STK32C: variants seen among roughly 807,000 people sequenced by gnomAD.
STK32C encodes serine/threonine-protein kinase 32C.
In STK32C, 31 loss-of-function variants were observed where a neutral mutation model predicts 56.5. The ratio of observed to expected loss-of-function variants is 0.55; its 90% CI spans 0.41 to 0.74. The LOEUF (loss-of-function observed/expected upper bound fraction) is 0.74, where lower values mean the gene tolerates loss of function less well. STK32C is among the 30% of genes least tolerant of loss of function. The pLI, the probability that STK32C is intolerant of heterozygous loss-of-function variation, is 0.00. For missense variants in STK32C, 544 were observed against 676.9 expected (o/e 0.80, Z 2.18); for synonymous variants, 309 against 289.4 (o/e 1.07, Z -0.69).
At chr10:132,266,669 G>T (rs993488366) in intron 1 of STK32C, among the ~76,000 whole-genome samples, 1 of 152,028 alleles carries the variant, frequency 6.6e-6, no homozygotes, top group Non-Finnish European at 1.5e-5. Flanking sequence ...GGGGAGGAAC[G>T]AGCCAGGGCT....
intron 1 of STK32C, among the ~76,000 whole-genome samples, chr10:132,274,495 G>C (rs1036870166): frequency 6.6e-6 from 1 of 152,200 alleles, no homozygotes; most frequent in East Asian, 1.9e-4. Context: ...CAGTTGTTTT[G>C]CAGGAAATGT....
upstream of STK32C, among the ~76,000 whole-genome samples, chr10:132,310,654 A>G (rs1202473339): frequency 6.6e-6 from 1 of 152,200 alleles, no homozygotes; most frequent in African/African-American, 2.4e-5. The surrounding 1 kb of genome is among the most constrained non-coding windows in gnomAD (Gnocchi z 4.6). Context: ...CGGGAACGTC[A>G]ACTTCATTAG....
intron 1 of STK32C, among the ~76,000 whole-genome samples, chr10:132,274,035 G>A (rs1308295030): frequency 6.6e-6 from 1 of 152,250 alleles, no homozygotes. Context: ...TGTGGGAGGT[G>A]CACATCGACT....
chr10:132,242,516 G>A (rs995030115), intron 2 of STK32C, among the ~76,000 whole-genome samples: 20 of 152,032 alleles, frequency 1.3e-4, no homozygotes, highest in African/African-American at 3.9e-4. Context: ...CAGTTCCAGC[G>A]GCCCAGGAAG....
chr10:132,220,907 C>G (rs2062616816), intron 10 of STK32C, among the ~76,000 whole-genome samples: 1 of 152,184 alleles, frequency 6.6e-6, no homozygotes. Context: ...ACATAACTGC[C>G]CAAGGGGTTC....
chr10:132,251,799 G>A (rs3902241), intron 1 of STK32C, among the ~76,000 whole-genome samples: 1,237 of 62,950 alleles, frequency 0.02, no homozygotes, highest in East Asian at 0.049. Context: ...AATGCCCTAC[G>A]CCTCCTGGGG....
intron 1 of STK32C, among the ~76,000 whole-genome samples, chr10:132,327,768 T>C (rs2066529336): frequency 6.6e-6 from 1 of 152,136 alleles, no homozygotes. Context: ...TGAGCCACCA[T>C]GCTTGGCCTA....
At chr10:132,287,642 G>A (rs960479447) in intron 1 of STK32C, among the ~76,000 whole-genome samples, 1 of 151,634 alleles carries the variant, frequency 6.6e-6, no homozygotes, top group Non-Finnish European at 1.5e-5. Flanking sequence ...TAGTAGAGAC[G>A]GGGTTTCACC....
At chr10:132,263,064 C>G (rs1321710130) in intron 1 of STK32C, among the ~76,000 whole-genome samples, 1 of 152,192 alleles carries the variant, frequency 6.6e-6, no homozygotes, top group Non-Finnish European at 1.5e-5. Flanking sequence ...ATAGAACTAC[C>G]ATTTGATCCA....
Position 132,314,952 on chromosome 10 carries a change from C to A in STK32C, c.301+16484G>T, listed in dbSNP as rs188852747. Among the ~76,000 whole-genome samples, 21 of 152,114 alleles carry A rather than the reference C, an allele frequency of 1.4e-4. No individual in the cohort carries two copies. The East Asian group carries it at 3.9e-3, about 28-fold the overall frequency. ...GAGTTCAAGACCAGCCTGACCAACACGGAGAAACCCCATCTCTACTAAAAA... is the reference window on the plus strand; with the variant it reads ...GAGTTCAAGACCAGCCTGACCAACAAGGAGAAACCCCATCTCTACTAAAAA... On this transcript the variant is annotated intron_variant, in intron 1 of 3. Transcript: ENST00000368620.
At chr10:132,224,323 T>C (rs2062795746) in intron 8 of STK32C, 84 bp downstream of exon 8, 10 of 999,344 alleles carry the variant, frequency 1.0e-5, no homozygotes, top group Non-Finnish European at 1.5e-5. Context: ...AACTGTGCAC[T>C]GGAGGGGGTG....
At chr10:132,331,784 C>G in exon 1 of STK32C, 4 of 1,607,270 alleles carry the variant, frequency 2.5e-6, no homozygotes, top group Non-Finnish European at 3.4e-6. Flanking sequence ...CCCCTCCAGA[C>G]CCTCGCGGTC....
intron 1 of STK32C, among the ~76,000 whole-genome samples, chr10:132,291,141 A>C (rs1395900532): frequency 1.3e-5 from 2 of 152,268 alleles, no homozygotes; most frequent in East Asian, 3.8e-4. Context: ...AAATGTAATT[A>C]ATGGAAATTT....
intron 1 of STK32C, among the ~76,000 whole-genome samples, chr10:132,276,678 T>A (rs556078708): frequency 2.6e-5 from 4 of 151,914 alleles, no homozygotes; most frequent in African/African-American, 7.2e-5. Context: ...TCCCAGCTAC[T>A]CAGGAGACTG....
intron 10 of STK32C, among the ~76,000 whole-genome samples, chr10:132,213,409 ACTCT>A (rs996715048): frequency 1.3e-5 from 2 of 152,132 alleles, no homozygotes; most frequent in South Asian, 2.1e-4. Flanking sequence ...CAAGACGCAG[ACTCT>A]CTCTGAGGAG....
intron 2 of STK32C, among the ~76,000 whole-genome samples, chr10:132,230,626 G>A (rs2063058209): frequency 6.7e-6 from 1 of 149,248 alleles, no homozygotes; most frequent in African/African-American, 2.5e-5. Context: ...TCAGGAGCCT[G>A]GCTTGGGGCC....
chr10:132,309,527 G>A (rs1009060236), upstream of STK32C, among the ~76,000 whole-genome samples: 2 of 152,232 alleles, frequency 1.3e-5, no homozygotes, highest in Non-Finnish European at 2.9e-5. Context: ...AAACGCATCG[G>A]TCTCTAACTT....
At chr10:132,224,343 G>A (rs1034245888) in intron 8 of STK32C, 64 bp downstream of exon 8, 13 of 1,240,910 alleles carry the variant, frequency 1.0e-5, no homozygotes, top group East Asian at 5.1e-5. Flanking sequence ...GTCCCGAGCC[G>A]CAGGTAAGTG....
chr10:132,256,581 C>T (rs2064132235), intron 1 of STK32C, among the ~76,000 whole-genome samples: 1 of 152,174 alleles, frequency 6.6e-6, no homozygotes, highest in African/African-American at 2.4e-5. Flanking sequence ...GAGTCGCCCA[C>T]GGCAGCAGGG....
Sources: gnomAD v4.1 joint callset for allele counts (sites outside exome capture counted in the v4.1 genomes callset) on GRCh38, gnomAD v4.1.1 for gene constraint, Gnocchi (gnomAD v3.1) non-coding constraint, MANE v1.5 for transcripts, NCBI Gene and HGNC (gene_info 2026-07-23, HGNC 2026-07-21) for gene names.